RUFY2: variants seen among roughly 807,000 people sequenced by gnomAD.
RUFY2 encodes the protein RUN and FYVE domain-containing protein 2.
A neutral mutation model predicts 94.4 loss-of-function variants in RUFY2; 49 were observed. The observed-to-expected ratio is 0.52, with a 90% confidence interval of 0.41 to 0.66. The LOEUF is 0.66. Among genes scored for constraint, RUFY2 ranks in the 30% least tolerant of loss-of-function variants. The pLI, the probability that RUFY2 is intolerant of heterozygous loss-of-function variation, is 0.00. For synonymous variants in RUFY2, 255 were observed against 235.7 expected (o/e 1.08, Z -0.75); for missense variants, 541 against 692.8 (o/e 0.78, Z 2.46).
chr10:68,403,818 GTC>G, intron 2 of RUFY2, among the ~76,000 whole-genome samples: 1 of 149,526 alleles, frequency 6.7e-6, no homozygotes, highest in South Asian at 2.1e-4. Context: ...TTGAGAAAGG[GTC>G]TCTCTCTGTT....
At chr10:68,403,279 C>T (rs2051004575) in intron 2 of RUFY2, among the ~76,000 whole-genome samples, 1 of 151,178 alleles carries the variant, frequency 6.6e-6, no homozygotes. Context: ...GAGACAGAGT[C>T]TCACTCTGTC....
At chr10:68,371,454 T>C (rs1254004443) in intron 13 of RUFY2, among the ~76,000 whole-genome samples, 2 of 150,092 alleles carry the variant, frequency 1.3e-5, no homozygotes, top group Non-Finnish European at 3.0e-5. Context: ...TAGCTGGGCA[T>C]GATGGCGCAC....
chr10:68,384,067 G>GT lies in RUFY2; in HGVS notation c.805dup (p.Thr269AsnfsTer15), dbSNP rs756816146. The GT allele has an allele frequency of 3.7e-6, 6 of 1,612,792 alleles. No homozygotes were observed. ...TATACTTACCTCTAGGTGCTGCTGT[G>GT]TTTTCATTAAAATCAATTTATTTTC... On this transcript the variant is annotated frameshift_variant, in exon 9 of 18. Coordinates refer to ENST00000602465, the MANE Select transcript of RUFY2 (RefSeq NM_001330103.2). LOFTEE classifies it high-confidence loss of function.
At position 68,383,812 on chromosome 10, in the gene RUFY2, A is replaced by G. The variant is rs769858718; in HGVS notation, c.925T>C (p.Ser309Pro). 19 of 1,610,250 alleles carry G rather than the reference A, an allele frequency of 1.2e-5. No homozygotes were observed. Among genetic ancestry groups the G allele is most frequent in the Non-Finnish European group, 1.5e-5 (18 of 1,176,712 alleles). ...NEARRQLRDE[S>P]QLRQDVENEL... ...ATATAACCTACCTGTCGTAACTGAG[A>G]TTCATCTCGAAGCTGCCTTCTGGCT... The change falls in exon 10 of 18, where the codon TCT becomes CCT. Residue 309 changes from serine to proline, a missense_variant. Physicochemically the swap from Ser to Pro is moderately conservative, Grantham distance 74. Coordinates refer to ENST00000602465, the MANE Select transcript of RUFY2 (RefSeq NM_001330103.2).
At chr10:68,389,561 G>A (rs761365755) in intron 7 of RUFY2, among the ~76,000 whole-genome samples, 4 of 151,876 alleles carry the variant, frequency 2.6e-5, no homozygotes, top group Non-Finnish European at 4.4e-5. Context: ...CTGCACTCCA[G>A]CCTGGGTGAA....
chr10:68,379,320 C>A, intron 12 of RUFY2, 104 bp downstream of exon 12: 3 of 857,852 alleles, frequency 3.5e-6, no homozygotes, highest in East Asian at 2.7e-5. Context: ...AAAACATGTC[C>A]TAATCTATGT....
downstream of RUFY2, chr10:68,342,875 G>T (rs2046046671): frequency 6.6e-6 from 1 of 152,272 alleles, no homozygotes; most frequent in Non-Finnish European, 1.5e-5. Context: ...TGTATTTTCA[G>T]TTTTCTGCCC....
intron 10 of RUFY2, 55 bp downstream of exon 10, chr10:68,383,743 G>A: frequency 8.3e-7 from 1 of 1,207,006 alleles, no homozygotes. Flanking sequence ...GTGCTTGCTT[G>A]AGGGTAAATT....
intron 7 of RUFY2, among the ~76,000 whole-genome samples, chr10:68,392,745 A>G (rs1589961940): frequency 6.9e-6 from 1 of 145,512 alleles, no homozygotes; most frequent in Non-Finnish European, 1.5e-5. Context: ...ACGTGGTGAA[A>G]CCCCGTCTCT....
chr10:68,370,451 T>TTC (rs1554883124), intron 13 of RUFY2, among the ~76,000 whole-genome samples: 5 of 142,754 alleles, frequency 3.5e-5, no homozygotes, highest in Non-Finnish European at 6.0e-5. Context: ...CTTTTTTCTT[T>TTC]TTTTTTTTTT....
intron 15 of RUFY2, among the ~76,000 whole-genome samples, chr10:68,358,016 C>T (rs987159691): frequency 3.3e-5 from 5 of 151,696 alleles, no homozygotes; most frequent in African/African-American, 9.7e-5. Context: ...GGTGAAACCT[C>T]ATCTCTATCA....
At chr10:68,341,588 A>G, downstream of RUFY2, 1 of 1,599,952 alleles carries the variant, frequency 6.3e-7, no homozygotes, top group Non-Finnish European at 8.5e-7. Context: ...CTTAAAGAAC[A>G]TCGATATATT....
At chr10:68,389,057 T>A (rs977870698) in intron 7 of RUFY2, among the ~76,000 whole-genome samples, 1 of 151,464 alleles carries the variant, frequency 6.6e-6, no homozygotes, top group Non-Finnish European at 1.5e-5. Flanking sequence ...CATGACCAGC[T>A]AATTTTTTGT....
At position 68,359,505 on chromosome 10, in the gene RUFY2, TATAA is replaced by T. The variant is rs938935133; in HGVS notation, c.1550+4081_1550+4084del. On this transcript the variant is annotated intron_variant, in intron 15 of 17. Transcript: ENST00000602465. ...ATATATATAGTAGTACTACTATATATATAAATATACATAGTAGTATATTTATATA... is the reference window on the plus strand; with the variant it reads ...ATATATATAGTAGTACTACTATATATATATACATAGTAGTATATTTATATA... Among the ~76,000 whole-genome samples, 35 of 146,682 alleles carry T rather than the reference TATAA, an allele frequency of 2.4e-4. No individual in the cohort carries two copies. The East Asian group carries it at 3.7e-3, about 16-fold the overall frequency.
rs1042754652 is a variant in RUFY2, at chr10:68,345,359, T to C, written c.*409A>G. ...ATCTGTTGAATTAGAATATTAATAA[T>C]TTTAAAAGTTTTATGCGTTTCCAGT... On this transcript the variant is annotated 3_prime_UTR_variant, in exon 18 of 18. Transcript: ENST00000602465. 1 of 367,718 alleles carries C rather than the reference T, an allele frequency of 2.7e-6. No homozygotes were observed. The highest frequency in any genetic ancestry group is 4.6e-5 in the Admixed American group (1 of 21,882). The allele number at this position is 367,718 out of a possible 1,614,324, so 22.8% of individuals were successfully genotyped here. A position where few individuals can be genotyped will look rare whatever the true frequency, so the allele number is the denominator to read the frequency against.
At chr10:68,393,591 T>C (rs989324747) in intron 6 of RUFY2, among the ~76,000 whole-genome samples, 1 of 151,872 alleles carries the variant, frequency 6.6e-6, no homozygotes, top group Non-Finnish European at 1.5e-5. Context: ...TAGCCAGGCA[T>C]GGTGGCGGGT....
intron 15 of RUFY2, among the ~76,000 whole-genome samples, chr10:68,359,556 AAT>A (rs900587382): frequency 4.1e-5 from 6 of 145,120 alleles, no homozygotes; most frequent in Non-Finnish European, 9.0e-5. Context: ...TATATATAAA[AAT>A]ATATATAGTA....
At chr10:68,387,342 G>A (rs939203857) in intron 7 of RUFY2, among the ~76,000 whole-genome samples, 10 of 151,840 alleles carry the variant, frequency 6.6e-5, no homozygotes, top group African/African-American at 2.4e-4. Context: ...GGGCAACAAG[G>A]GCAAAACTCC....
rs750067666 is a variant in RUFY2 at position 68,406,711 on chromosome 10, CCAGAGG to C, written c.4+469_4+474del. Reference sequence around the variant, plus strand: ...TGCCCCCTCCCCCCAGCAAGGCTGCCCAGAGGCCTGGGGGCCCCCCAGGACCATCGC... The same window carrying C: ...TGCCCCCTCCCCCCAGCAAGGCTGCCCCTGGGGGCCCCCCAGGACCATCGC... On this transcript the variant is annotated intron_variant, in intron 1 of 17. Coordinates refer to ENST00000602465, the MANE Select transcript of RUFY2 (RefSeq NM_001330103.2). 84 of 1,546,012 alleles carry C rather than the reference CCAGAGG, an allele frequency of 5.4e-5. No individual in the cohort carries two copies. In the African/African-American group the frequency reaches 1.1e-3, roughly 20 times the overall value.
Sources: gnomAD v4.1 joint callset for allele counts (sites outside exome capture counted in the v4.1 genomes callset) on GRCh38, gnomAD v4.1.1 for gene constraint, MANE v1.5 for transcripts, NCBI Gene and HGNC (gene_info 2026-07-23, HGNC 2026-07-21) for gene names.